Variants in GTF3C4 observed in about 807,000 individuals in gnomAD.
GTF3C4 encodes the protein general transcription factor 3C polypeptide 4.
GTF3C4 carries 28 observed loss-of-function variants against 67.5 expected under a neutral mutation model. The observed-to-expected ratio is 0.41, with a 90% CI of 0.31 to 0.57. GTF3C4 has a LOEUF of 0.57. Ranked by LOEUF, GTF3C4 falls within the 20% of genes least tolerant of loss-of-function variation. GTF3C4 has a pLI of 0.21. For missense variants in GTF3C4, 831 were observed against 1,033.2 expected, an observed-to-expected ratio of 0.80 and a Z score of 2.68; for synonymous variants, 409 against 393.0, an observed-to-expected ratio of 1.04 and a Z score of -0.48.
intron 4 of GTF3C4, 73 bp downstream of exon 4, chr9:132,687,400 C>T: frequency 1.2e-6 from 1 of 862,574 alleles, no homozygotes; most frequent in Admixed American, 1.8e-5. Context: ...CCCAGAATAA[C>T]AGTTCTAGTC....
chr9:132,671,753 T>C lies in GTF3C4; in HGVS notation c.357+798T>C, dbSNP rs376395783. On this transcript the variant is annotated intron_variant, in intron 1 of 4. Coordinates refer to ENST00000372146, the MANE Select transcript of GTF3C4 (RefSeq NM_012204.4). ...TTCATACATTCAATAGATATTTGAATACCATTCTGCTTGGTGCTGCCCCAT... is the reference window on the plus strand; with the variant it reads ...TTCATACATTCAATAGATATTTGAACACCATTCTGCTTGGTGCTGCCCCAT... Among the ~76,000 whole-genome samples, 84 of 152,280 alleles carry C rather than the reference T, an allele frequency of 5.5e-4. 1 individual carries two copies. The South Asian group carries it at 0.017, about 31-fold the overall frequency.
Position 132,670,559 on chromosome 9 carries a change from G to T in GTF3C4, c.-40G>T. ...GTCCGGGAGGTGGTCGCGCGACTGCGTGGAGCGCCAGGGCGTCCGACCTCT... is the reference window on the plus strand; with the variant it reads ...GTCCGGGAGGTGGTCGCGCGACTGCTTGGAGCGCCAGGGCGTCCGACCTCT... On this transcript the variant is annotated 5_prime_UTR_variant, in exon 1 of 5. Coordinates refer to ENST00000372146, the MANE Select transcript of GTF3C4 (RefSeq NM_012204.4). The T allele has an allele frequency of 7.4e-7, 1 of 1,356,004 alleles. No homozygotes were observed. The highest frequency in any genetic ancestry group is 9.6e-7 in the Non-Finnish European group (1 of 1,038,928). 84.0% of individuals were successfully genotyped at this position (1,356,004 alleles called of 1,614,324 possible). A position where few individuals can be genotyped will look rare whatever the true frequency, so the allele number is the denominator to read the frequency against.
At chr9:132,687,087 G>C in intron 3 of GTF3C4, 152 bp from the exon 4 acceptor site, 1 of 698,266 alleles carries the variant, frequency 1.4e-6, no homozygotes, top group South Asian at 1.6e-5. Context: ...TGGTGCACAG[G>C]GGGATGCATT....
Position 132,670,777 on chromosome 9 carries a change from T to C in GTF3C4, c.179T>C (p.Leu60Pro). Residue 60 changes from leucine (L) to proline (P), a missense_variant, in exon 1 of 5, where the codon CTG becomes CCG. Around this residue, in one of 4 missense-constraint regions of GTF3C4, gnomAD observed 237 missense variants for 212.7 expected, o/e 1.11. Coordinates refer to ENST00000372146, the MANE Select transcript of GTF3C4 (RefSeq NM_012204.4). Reference protein sequence around the residue: ...MVTRREPAVKLQYAVSGLEPL... With the variant: ...MVTRREPAVKPQYAVSGLEPL... ...ACTCGGCGGGAGCCGGCCGTGAAGC[T>C]GCAGTATGCGGTGAGCGGCCTGGAA... The C allele has an allele frequency of 6.3e-7, 1 of 1,584,526 alleles. No homozygotes were observed. The highest frequency in any genetic ancestry group is 1.1e-5 in the South Asian group (1 of 88,572).
At position 132,678,732 on chromosome 9, in the gene GTF3C4, G is replaced by A. The variant is rs771460457; in HGVS notation, c.1113G>A (p.Val371=). 15 of 1,613,990 alleles carry A rather than the reference G, an allele frequency of 9.3e-6. No individual in the cohort carries two copies. Residue 371 remains valine, a synonymous_variant, in exon 2 of 5, where the codon GTG becomes GTA. Transcript: ENST00000372146. This position sits in a 1 kb window ranked among gnomAD's most constrained non-coding sequence, Gnocchi z 6.5. ...GGAAAGAAATGGACCAGTTACCTGTGCACAGTATCAAATGTGTGCCACTTT... is the reference window on the plus strand; with the variant it reads ...GGAAAGAAATGGACCAGTTACCTGTACACAGTATCAAATGTGTGCCACTTT... ...ILWKEMDQLP[V]HSIKCVPLYH...
upstream of GTF3C4, chr9:132,670,096 G>C (rs994571641): frequency 3.0e-5 from 47 of 1,563,540 alleles, no homozygotes; most frequent in Non-Finnish European, 3.9e-5. Context: ...GGGGACGGCG[G>C]CACCGGGCGG....
upstream of GTF3C4, chr9:132,670,365 A>C (rs1039347343): frequency 2.5e-5 from 33 of 1,312,200 alleles, no homozygotes; most frequent in Non-Finnish European, 3.3e-5. Flanking sequence ...GGCAGGGAAA[A>C]GGGGGTCCTC....
intron 4 of GTF3C4, among the ~76,000 whole-genome samples, chr9:132,688,345 T>G (rs993475300): frequency 1.4e-4 from 22 of 152,344 alleles, no homozygotes; most frequent in African/African-American, 5.1e-4. Context: ...ATTGAAACTT[T>G]AAAAATCTTA....
Position 132,670,569 on chromosome 9 carries a change from A to G in GTF3C4, c.-30A>G. On this transcript the variant is annotated 5_prime_UTR_variant, in exon 1 of 5. Coordinates refer to ENST00000372146, the MANE Select transcript of GTF3C4 (RefSeq NM_012204.4). ...TGGTCGCGCGACTGCGTGGAGCGCC[A>G]GGGCGTCCGACCTCTGCACCTGAGA... 7.2e-7 allele frequency: 1 copy of G among 1,380,502 alleles called. No individual in the cohort carries two copies. Among genetic ancestry groups the G allele is most frequent in the Non-Finnish European group, 9.4e-7 (1 of 1,058,310 alleles). The allele number at this position is 1,380,502 out of a possible 1,614,324, so 85.5% of individuals were successfully genotyped here. A position where few individuals can be genotyped will look rare whatever the true frequency, so the allele number is the denominator to read the frequency against.
intron 1 of GTF3C4, among the ~76,000 whole-genome samples, chr9:132,675,152 A>G (rs1444711092): frequency 6.6e-6 from 1 of 152,188 alleles, no homozygotes; most frequent in Non-Finnish European, 1.5e-5. Context: ...TGGGACATGT[A>G]TTAGTCTCAT....
At chr9:132,677,814 C>G (rs1464821568) in intron 1 of GTF3C4, among the ~76,000 whole-genome samples, 163 bp from the exon 2 acceptor site, 4 of 152,082 alleles carry the variant, frequency 2.6e-5, no homozygotes, top group Non-Finnish European at 2.9e-5. Context: ...CAGGTAAATG[C>G]TCTGTTGAAT....
In GTF3C4 at chr9:132,678,467, G is replaced by A. The variant is rs1224858006; in HGVS notation, c.848G>A (p.Gly283Asp). The change falls in exon 2 of 5, where the codon GGT becomes GAT. Residue 283 changes from glycine (G) to aspartate (D), a missense_variant. Gly to Asp is a moderately conservative substitution (Grantham distance 94). Coordinates refer to ENST00000372146, the MANE Select transcript of GTF3C4 (RefSeq NM_012204.4). The surrounding 1 kb of genome is among the most constrained non-coding windows in gnomAD (Gnocchi z 6.5). ...SVLLAVLFEN[G>D]NIAVWQFQLP... ...CTCCTGGCTGTCCTCTTTGAAAACG[G>A]TAATATCGCCGTGTGGCAGTTTCAG... 1 of 1,614,202 alleles carries A rather than the reference G, an allele frequency of 6.2e-7. No individual in the cohort carries two copies. The highest frequency in any genetic ancestry group is 1.7e-5 in the Admixed American group (1 of 60,020).
chr9:132,679,424 A>G lies in GTF3C4; in HGVS notation c.1805A>G (p.Glu602Gly). Reference sequence around the variant, plus strand: ...GAAGCCTTGTGGAAACCCACCCATGAGGACTCAAAAATCTTACTAGTGGAT... The same window carrying G: ...GAAGCCTTGTGGAAACCCACCCATGGGGACTCAAAAATCTTACTAGTGGAT... ...PSEALWKPTH[E>G]DSKILLVDSP... Residue 602 changes from glutamate (E) to glycine (G), a missense_variant, in exon 2 of 5, where the codon GAG becomes GGG. By Grantham distance (98) the Glu-to-Gly change is moderately conservative. Around this residue, in one of 4 missense-constraint regions of GTF3C4, gnomAD observed 75 missense variants for 66.4 expected, o/e 1.13. Coordinates refer to ENST00000372146, the MANE Select transcript of GTF3C4 (RefSeq NM_012204.4). The surrounding 1 kb of genome is among the most constrained non-coding windows in gnomAD (Gnocchi z 5.9). 3.7e-6 allele frequency: 6 copies of G among 1,614,218 alleles called. No homozygotes were observed. The highest frequency in any genetic ancestry group is 5.1e-6 in the Non-Finnish European group (6 of 1,180,040).
At chr9:132,676,052 C>G (rs759575069) in intron 1 of GTF3C4, among the ~76,000 whole-genome samples, 4 of 151,830 alleles carry the variant, frequency 2.6e-5, no homozygotes, top group Non-Finnish European at 5.9e-5. Context: ...GCACCCACCA[C>G]CATGCCCGGC....
At chr9:132,681,893 T>A (rs535654551) in intron 2 of GTF3C4, among the ~76,000 whole-genome samples, 1 of 146,016 alleles carries the variant, frequency 6.8e-6, no homozygotes, top group Admixed American at 7.1e-5. Flanking sequence ...GAGGCCAGGG[T>A]GTGAGGATCG....
chr9:132,670,988 C>G (rs1329387307), intron 1 of GTF3C4, 33 bp downstream of exon 1: 1 of 1,420,094 alleles, frequency 7.0e-7, no homozygotes, highest in South Asian at 1.1e-5. Context: ...TGGGGTCTTC[C>G]CCTGTCCCCC....
intron 1 of GTF3C4, 100 bp from the exon 2 acceptor site, chr9:132,677,877 G>C: frequency 1.1e-6 from 1 of 919,916 alleles, no homozygotes; most frequent in Non-Finnish European, 1.7e-6. Context: ...GAAGAATATG[G>C]GAACCAGGCT....
In GTF3C4 at chr9:132,678,478, G is replaced by C. The variant is rs778778757; in HGVS notation, c.859G>C (p.Val287Leu). 9 of 1,614,186 alleles carry C rather than the reference G, an allele frequency of 5.6e-6. No homozygotes were observed. Among genetic ancestry groups the C allele is most frequent in the Non-Finnish European group, 7.6e-6 (9 of 1,180,030 alleles). Residue 287 changes from valine (V) to leucine (L), a missense_variant, in exon 2 of 5, where the codon GTG becomes CTG. Val to Leu is a conservative substitution (Grantham distance 32, BLOSUM62 1). This residue lies in a region of GTF3C4 where 390 missense variants were observed against 540.3 expected (regional missense o/e 0.72). Coordinates refer to ENST00000372146, the MANE Select transcript of GTF3C4 (RefSeq NM_012204.4). This position sits in a 1 kb window ranked among gnomAD's most constrained non-coding sequence, Gnocchi z 6.5. ...CCTCTTTGAAAACGGTAATATCGCC[G>C]TGTGGCAGTTTCAGCTGCCGTTTGT... is the stretch of plus-strand genomic sequence containing the variant. ...AVLFENGNIAVWQFQLPFVGK... is the reference protein window; with the variant it reads ...AVLFENGNIALWQFQLPFVGK...
At chr9:132,677,668 T>C (rs1835881724) in intron 1 of GTF3C4, among the ~76,000 whole-genome samples, 1 of 152,224 alleles carries the variant, frequency 6.6e-6, no homozygotes, top group Non-Finnish European at 1.5e-5. Context: ...TCAATGAAAT[T>C]TCAGATAAAG....
Sources: allele counts gnomAD v4.1 joint callset (sites outside exome capture counted in the v4.1 genomes callset), GRCh38; gene constraint gnomAD v4.1.1; regional missense constraint gnomAD v4.1.1; non-coding constraint Gnocchi (gnomAD v3.1); transcripts MANE v1.5; gene names NCBI Gene and HGNC (gene_info 2026-07-23, HGNC 2026-07-21).